OLFM3: variants seen among roughly 807,000 people sequenced by gnomAD.
OLFM3 encodes the protein olfactomedin 3.
Under a neutral mutation model 48.6 loss-of-function variants are expected in OLFM3, and 20 were observed. That is an observed-to-expected ratio of 0.41 (90% CI 0.29 to 0.60). The LOEUF (loss-of-function observed/expected upper bound fraction) is 0.60, where lower values mean the gene tolerates loss of function less well. Among genes scored for constraint, OLFM3 ranks in the 20% least tolerant of loss-of-function variants. The pLI is 0.28. For synonymous variants in OLFM3, 222 were observed against 198.1 expected, an observed-to-expected ratio of 1.12 and a Z score of -1.01; for missense variants, 437 against 544.3, an observed-to-expected ratio of 0.80 and a Z score of 1.96.
At chr1:101,834,416 G>A (rs10782855) in intron 2 of OLFM3, among the ~76,000 whole-genome samples, 140,662 of 152,334 alleles carry the variant, frequency 0.92, 65,731 homozygotes, top group Non-Finnish European at 1. Flanking sequence ...TCCCTTATAT[G>A]TGACTAAATC....
rs17856676 is a variant in OLFM3, at chr1:101,804,314, T to C, written c.1301A>G (p.Tyr434Cys). 1 of 1,612,060 alleles carries C rather than the reference T, an allele frequency of 6.2e-7. No individual in the cohort carries two copies. The highest frequency in any genetic ancestry group is 1.7e-5 in the Admixed American group (1 of 59,812). The change falls in exon 6 of 6, where the codon TAT becomes TGT. Residue 434 changes from tyrosine (Y) to cysteine (C), a missense_variant. Physicochemically the swap from Tyr to Cys is radical, Grantham distance 194. Around this residue, in one of 3 missense-constraint regions of OLFM3, gnomAD observed 108 missense variants for 135.8 expected, o/e 0.80. Coordinates refer to ENST00000370103, the MANE Select transcript of OLFM3 (RefSeq NM_058170.4). The surrounding 1 kb of genome is among the most constrained non-coding windows in gnomAD (Gnocchi z 4.5). ...CACCTGGTGGCCATTGTTCCAGGCATAGAGAGCTCGATCTCTTGCATTGTA... is the reference window on the plus strand; with the variant it reads ...CACCTGGTGGCCATTGTTCCAGGCACAGAGAGCTCGATCTCTTGCATTGTA... ...LDYNARDRAL[Y>C]AWNNGHQVLF...
chr1:101,914,149 A>G (rs1228812793), intron 1 of OLFM3, among the ~76,000 whole-genome samples: 1 of 152,110 alleles, frequency 6.6e-6, no homozygotes, highest in Non-Finnish European at 1.5e-5. Flanking sequence ...AATGTTTATT[A>G]TATGTTGTAG....
chr1:101,943,524 A>AAT (rs1431128590), intron 1 of OLFM3, among the ~76,000 whole-genome samples: 1 of 152,242 alleles, frequency 6.6e-6, no homozygotes, highest in Non-Finnish European at 1.5e-5. Context: ...TTTCTCAAAA[A>AAT]ATATACAAGT....
At chr1:101,839,292 T>C (rs967559407) in intron 1 of OLFM3, among the ~76,000 whole-genome samples, 2 of 152,206 alleles carry the variant, frequency 1.3e-5, no homozygotes, top group Non-Finnish European at 2.9e-5. Flanking sequence ...CTTAGAATTA[T>C]ACATTATTCA....
intron 2 of OLFM3, among the ~76,000 whole-genome samples, chr1:101,833,298 T>A (rs1327718231): frequency 6.6e-6 from 1 of 152,230 alleles, no homozygotes; most frequent in African/African-American, 2.4e-5. Flanking sequence ...GAGCTACATT[T>A]GGGGTAATGG....
intron 1 of OLFM3, among the ~76,000 whole-genome samples, chr1:101,911,498 A>T (rs957127050): frequency 6.6e-5 from 10 of 152,184 alleles, no homozygotes; most frequent in African/African-American, 1.9e-4. Flanking sequence ...GCTACCTATT[A>T]TAATAATAAT....
chr1:101,818,472 G>T (rs1003133462), intron 4 of OLFM3, among the ~76,000 whole-genome samples: 1 of 152,090 alleles, frequency 6.6e-6, no homozygotes, highest in Non-Finnish European at 1.5e-5. Flanking sequence ...GGAAGAGCAA[G>T]ACTGTTTTTG....
intron 1 of OLFM3, among the ~76,000 whole-genome samples, chr1:101,918,133 C>T (rs549408019): frequency 2.6e-5 from 4 of 152,288 alleles, no homozygotes; most frequent in African/African-American, 4.8e-5. Context: ...TGAACAACCA[C>T]TATAGGCAAG....
chr1:101,815,038 T>A (rs538935717), intron 4 of OLFM3, among the ~76,000 whole-genome samples: 1 of 152,096 alleles, frequency 6.6e-6, no homozygotes, highest in Non-Finnish European at 1.5e-5. Flanking sequence ...AAGACAAGAT[T>A]TGGATTTTAT....
chr1:101,886,003 G>A (rs1484994734), intron 1 of OLFM3, among the ~76,000 whole-genome samples: 1 of 152,082 alleles, frequency 6.6e-6, no homozygotes, highest in Non-Finnish European at 1.5e-5. Context: ...AGGAAGAAGT[G>A]TGTAAACACT....
At chr1:101,957,322 C>A (rs74391790) in intron 1 of OLFM3, among the ~76,000 whole-genome samples, 10,172 of 151,954 alleles carry the variant, frequency 0.067, 403 homozygotes, top group South Asian at 0.15. Context: ...TTTCATTAGC[C>A]AAAAACTCTA....
intron 1 of OLFM3, among the ~76,000 whole-genome samples, chr1:101,974,927 T>C (rs533173905): frequency 2.0e-5 from 3 of 152,310 alleles, no homozygotes; most frequent in Non-Finnish European, 2.9e-5. Context: ...GGGTTCTTTA[T>C]TCCATCTTTC....
At chr1:101,838,093 G>T (rs1655525187) in intron 1 of OLFM3, among the ~76,000 whole-genome samples, 1 of 151,894 alleles carries the variant, frequency 6.6e-6, no homozygotes, top group Admixed American at 6.6e-5. Context: ...CAGCCTCCTG[G>T]GCTCAAGCAA....
intron 1 of OLFM3, among the ~76,000 whole-genome samples, chr1:101,876,937 A>T (rs986750073): frequency 2.0e-5 from 3 of 151,878 alleles, no homozygotes; most frequent in Non-Finnish European, 2.9e-5. Context: ...TCACCCTCTT[A>T]GGTGTCTGAC....
At chr1:101,848,437 G>A (rs1656095768) in intron 1 of OLFM3, among the ~76,000 whole-genome samples, 1 of 151,794 alleles carries the variant, frequency 6.6e-6, no homozygotes, top group Admixed American at 6.6e-5. Context: ...TTCAAAAACA[G>A]CTTTAAACTG....
chr1:101,838,689 A>G (rs1418044194), intron 1 of OLFM3, among the ~76,000 whole-genome samples: 1 of 152,140 alleles, frequency 6.6e-6, no homozygotes, highest in Non-Finnish European at 1.5e-5. Context: ...CATGCTGGCC[A>G]GGCTGGTCTC....
In OLFM3 at chr1:101,836,957, A is replaced by T. The variant is rs144451213; in HGVS notation, c.138T>A (p.Ile46=). The change falls in exon 2 of 6, where the codon ATT becomes ATA. Residue 46 remains isoleucine (I), a synonymous_variant. Transcript: ENST00000370103. ...SSAQDPDGRC[I]CTVVAPEQNL... Reference sequence around the variant, plus strand: ...TTTGTTCTGGAGCAACAACTGTGCAAATGCACCGCCCATCAGGATCCTGAG... The same window carrying T: ...TTTGTTCTGGAGCAACAACTGTGCATATGCACCGCCCATCAGGATCCTGAG... 4.7e-4 allele frequency: 763 copies of T among 1,614,106 alleles called. 5 individuals are homozygous for T. In the African/African-American group the frequency reaches 9.1e-3, roughly 19 times the overall value.
chr1:101,967,541 C>G (rs1355479107), intron 1 of OLFM3, among the ~76,000 whole-genome samples: 1 of 132,678 alleles, frequency 7.5e-6, no homozygotes, highest in Admixed American at 9.1e-5. Context: ...ATTTTGGGAT[C>G]CAAGGTGACT....
At chr1:101,986,210 C>T (rs906685500) in intron 1 of OLFM3, among the ~76,000 whole-genome samples, 5 of 152,096 alleles carry the variant, frequency 3.3e-5, no homozygotes, top group Admixed American at 1.3e-4. Flanking sequence ...GTGATCCGCC[C>T]GCCTCGGCCT....
Sources: allele counts gnomAD v4.1 joint callset (sites outside exome capture counted in the v4.1 genomes callset), GRCh38; gene constraint gnomAD v4.1.1; regional missense constraint gnomAD v4.1.1; non-coding constraint Gnocchi (gnomAD v3.1); transcripts MANE v1.5; gene names NCBI Gene and HGNC (gene_info 2026-07-23, HGNC 2026-07-21).